LRP1B: variants seen among roughly 807,000 people sequenced by gnomAD.
LRP1B encodes LDL receptor related protein 1B.
In LRP1B, 217 loss-of-function variants were observed where a neutral mutation model predicts 556.6. The observed-to-expected ratio is 0.39, with a 90% CI of 0.35 to 0.44. The LOEUF is 0.44. Ranked by LOEUF, LRP1B falls within the 20% of genes least tolerant of loss-of-function variation. LRP1B has a pLI of 1.00. For missense variants in LRP1B, 5,053 were observed against 5,620.8 expected, an observed-to-expected ratio of 0.90 and a Z score of 3.23; for synonymous variants, 2,047 against 1,865.8, an observed-to-expected ratio of 1.10 and a Z score of -2.50.
intron 32 of LRP1B, among the ~76,000 whole-genome samples, chr2:140,805,033 T>C (rs1002648108): frequency 6.6e-6 from 1 of 152,076 alleles, no homozygotes; most frequent in Non-Finnish European, 1.5e-5. Flanking sequence ...AAAAGACAAA[T>C]GATGAGCTCA....
intron 2 of LRP1B, among the ~76,000 whole-genome samples, chr2:141,647,175 T>C (rs1328943593): frequency 6.6e-6 from 1 of 152,198 alleles, no homozygotes; most frequent in African/African-American, 2.4e-5. Context: ...CAGGGAATGC[T>C]ATGTGTTCAC....
At chr2:141,750,400 G>A (rs1694066157) in intron 2 of LRP1B, among the ~76,000 whole-genome samples, 1 of 152,066 alleles carries the variant, frequency 6.6e-6, no homozygotes. Flanking sequence ...GACTGAAGCT[G>A]GATATTAATT....
At chr2:141,826,540 C>T (rs1340884819) in intron 1 of LRP1B, among the ~76,000 whole-genome samples, 1 of 151,636 alleles carries the variant, frequency 6.6e-6, no homozygotes, top group African/African-American at 2.4e-5. Context: ...TTTGTATTTT[C>T]AGTAGAGACA....
intron 35 of LRP1B, among the ~76,000 whole-genome samples, chr2:140,732,689 G>A (rs911128359): frequency 6.7e-6 from 1 of 148,230 alleles, no homozygotes; most frequent in African/African-American, 2.5e-5. Flanking sequence ...AGAAAACTAG[G>A]ATGAAATGGA....
intron 41 of LRP1B, among the ~76,000 whole-genome samples, chr2:140,657,311 A>G (rs1199918036): frequency 2.6e-5 from 4 of 151,998 alleles, no homozygotes; most frequent in African/African-American, 4.8e-5. Flanking sequence ...TAGACTGAAA[A>G]TCATTATAAC....
intron 2 of LRP1B, among the ~76,000 whole-genome samples, chr2:141,618,731 C>T (rs1229538907): frequency 6.6e-6 from 1 of 152,136 alleles, no homozygotes; most frequent in Non-Finnish European, 1.5e-5. Context: ...TTGAGCTTAC[C>T]TGATCCTCCT....
intron 18 of LRP1B, among the ~76,000 whole-genome samples, chr2:140,978,402 T>C (rs1696668804): frequency 6.6e-6 from 1 of 152,184 alleles, no homozygotes; most frequent in Non-Finnish European, 1.5e-5. Context: ...CAGAGATTGT[T>C]CATGAAGCTG....
chr2:140,950,681 G>C (rs1695687252), intron 19 of LRP1B, among the ~76,000 whole-genome samples: 1 of 151,970 alleles, frequency 6.6e-6, no homozygotes, highest in African/African-American at 2.4e-5. Context: ...GTAAAGATGG[G>C]GTTTCGCCAT....
intron 84 of LRP1B, among the ~76,000 whole-genome samples, chr2:140,293,669 C>T (rs973813890): frequency 1.3e-5 from 2 of 152,090 alleles, no homozygotes; most frequent in African/African-American, 2.4e-5. Context: ...GTCCACTGAA[C>T]CTTGTCGGCT....
intron 3 of LRP1B, among the ~76,000 whole-genome samples, chr2:141,371,813 A>G (rs1055846703): frequency 2.0e-5 from 3 of 152,116 alleles, no homozygotes; most frequent in Non-Finnish European, 4.4e-5. Flanking sequence ...CCATAAGTGA[A>G]CAGAGATAAT....
Position 140,700,499 on chromosome 2 carries a change from T to A in LRP1B, c.6550A>T (p.Arg2184Trp), listed in dbSNP as rs2105421262. Residue 2184 changes from arginine (R) to tryptophan (W), a missense_variant, in exon 41 of 91, where the codon AGG (arginine) becomes TGG (tryptophan). By Grantham distance (101) the Arg-to-Trp change is moderately radical. Around this residue, in one of 5 missense-constraint regions of LRP1B, gnomAD observed 3,619 missense variants for 3,931.9 expected, o/e 0.92. Coordinates refer to ENST00000389484, the MANE Select transcript of LRP1B (RefSeq NM_018557.3). ...YLAEDGVTCL[R>W]HEGYLLYSGR... ...GAATACAGTAAATAGCCTTCATGCC[T>A]CAGGCAAGTAACTCCATCTTCTGCC... 1 of 1,613,528 alleles carries A rather than the reference T, an allele frequency of 6.2e-7. No homozygotes were observed. The highest frequency in any genetic ancestry group is 8.5e-7 in the Non-Finnish European group (1 of 1,179,660).
chr2:140,693,505 T>C (rs997074556), intron 41 of LRP1B, among the ~76,000 whole-genome samples: 9 of 152,152 alleles, frequency 5.9e-5, no homozygotes, highest in African/African-American at 2.2e-4. Context: ...TGAATTGCAT[T>C]AAATTTACAG....
chr2:140,528,832 T>C (rs974429637), intron 47 of LRP1B, among the ~76,000 whole-genome samples: 3 of 152,018 alleles, frequency 2.0e-5, no homozygotes, highest in Non-Finnish European at 4.4e-5. Flanking sequence ...AACACATCTC[T>C]TGCCAAAACC....
intron 28 of LRP1B, 23 bp downstream of exon 28, chr2:140,851,629 G>C (rs377284476): frequency 6.3e-7 from 1 of 1,597,292 alleles, no homozygotes; most frequent in Non-Finnish European, 8.5e-7. Flanking sequence ...TTTTATTTTC[G>C]ATTAGAACTG....
chr2:141,465,138 G>A (rs1028354279), intron 3 of LRP1B, among the ~76,000 whole-genome samples: 2 of 151,580 alleles, frequency 1.3e-5, no homozygotes, highest in African/African-American at 4.9e-5. Context: ...ACAAAACACA[G>A]TTAAAATCAA....
At chr2:140,784,100 A>T (rs890804274) in intron 32 of LRP1B, among the ~76,000 whole-genome samples, 1 of 152,122 alleles carries the variant, frequency 6.6e-6, no homozygotes, top group African/African-American at 2.4e-5. Flanking sequence ...AGACCTTTTT[A>T]AAAATGTCTG....
chr2:141,508,080 C>T (rs1315657088), intron 2 of LRP1B, among the ~76,000 whole-genome samples: 1 of 16,556 alleles, frequency 6.0e-5, no homozygotes, highest in Non-Finnish European at 2.1e-4. Flanking sequence ...AGGGAGACTC[C>T]ATCCCCCCCC....
intron 2 of LRP1B, among the ~76,000 whole-genome samples, chr2:141,762,740 C>T (rs1436060369): frequency 6.6e-6 from 1 of 152,082 alleles, no homozygotes; most frequent in South Asian, 2.1e-4. Flanking sequence ...TCATTACTTG[C>T]GTGACTATAG....
chr2:141,586,952 G>GAAAAA (rs71391660), intron 2 of LRP1B, among the ~76,000 whole-genome samples: 1 of 96,892 alleles, frequency 1.0e-5, no homozygotes, highest in South Asian at 3.3e-4. Context: ...AAAAAAAAAA[G>GAAAAA]AAAAAAAAAA....
Sources: gnomAD v4.1 joint callset for allele counts (sites outside exome capture counted in the v4.1 genomes callset) on GRCh38, gnomAD v4.1.1 for gene constraint, gnomAD v4.1.1 regional missense constraint, MANE v1.5 for transcripts, NCBI Gene and HGNC (gene_info 2026-07-23, HGNC 2026-07-21) for gene names.